The following FBXL7 variants were observed in gnomAD, a reference collection of about 807,000 sequenced individuals.
The protein encoded by FBXL7 is F-box/LRR-repeat protein 7.
A neutral mutation model predicts 38.3 loss-of-function variants in FBXL7; 12 were observed. The observed-to-expected ratio is 0.31, with a 90% CI of 0.20 to 0.51. FBXL7 has a LOEUF of 0.51. Among genes scored for constraint, FBXL7 ranks in the 20% least tolerant of loss-of-function variants. The pLI, the probability that FBXL7 is intolerant of heterozygous loss-of-function variation, is 0.98. For synonymous variants in FBXL7, 297 were observed against 300.9 expected, an observed-to-expected ratio of 0.99 and a Z score of 0.13; for missense variants, 567 against 676.4, an observed-to-expected ratio of 0.84 and a Z score of 1.79.
chr5:15,853,342 T>C (rs1209541699), intron 2 of FBXL7, among the ~76,000 whole-genome samples: 2 of 151,722 alleles, frequency 1.3e-5, no homozygotes, highest in African/African-American at 4.8e-5. Context: ...TTCAAGGAGG[T>C]GACATCTTGA....
intron 2 of FBXL7, among the ~76,000 whole-genome samples, chr5:15,774,531 T>C (rs1736811934): frequency 6.6e-6 from 1 of 152,202 alleles, no homozygotes; most frequent in African/African-American, 2.4e-5. Context: ...GTTCCCATCT[T>C]TGAGAATCCC....
chr5:15,702,653 T>C (rs1232576800), intron 2 of FBXL7, among the ~76,000 whole-genome samples: 1 of 152,238 alleles, frequency 6.6e-6, no homozygotes. Flanking sequence ...TTGCACTTTA[T>C]GGCTAACACA....
At chr5:15,879,279 A>G (rs2126322854) in intron 2 of FBXL7, among the ~76,000 whole-genome samples, 1 of 152,342 alleles carries the variant, frequency 6.6e-6, no homozygotes, top group South Asian at 2.1e-4. Flanking sequence ...TGTGAAGGGA[A>G]AAGAAATCTT....
In FBXL7 at chr5:15,500,527, G is replaced by A. The variant is rs1040303459; in HGVS notation, c.-150G>A. ...AGCACCCCCTCCCACTGGAGTGCGG[G>A]GACCTCTCCAGGCCGGAGGTCGGCC... is the stretch of plus-strand genomic sequence containing the variant. On this transcript the variant is annotated 5_prime_UTR_variant, in exon 1 of 4. Transcript: ENST00000504595. The A allele has an allele frequency of 1.9e-6, 2 of 1,039,114 alleles. No homozygotes were observed. The highest frequency in any genetic ancestry group is 3.0e-6 in the Non-Finnish European group (2 of 660,994). 64.4% of individuals were successfully genotyped at this position (1,039,114 alleles called of 1,614,324 possible). A position where few individuals can be genotyped will look rare whatever the true frequency, so the allele number is the denominator to read the frequency against.
At chr5:15,636,208 C>A (rs1180796909) in intron 2 of FBXL7, among the ~76,000 whole-genome samples, 1 of 151,614 alleles carries the variant, frequency 6.6e-6, no homozygotes, top group Non-Finnish European at 1.5e-5. Flanking sequence ...AAATTCTCTT[C>A]TAGAACACAA....
rs537609846 is a variant in FBXL7 at position 15,529,847 on chromosome 5, C to T, written c.37+29134C>T. 6.6e-5 allele frequency among the ~76,000 whole-genome samples: 10 copies of T among 152,278 alleles called. No homozygotes were observed. The South Asian group carries it at 2.1e-3, about 32-fold the overall frequency. On this transcript the variant is annotated intron_variant, in intron 1 of 3. Transcript: ENST00000504595. The stretch of plus-strand genomic sequence containing the variant: ...CCACAGATGGTGTTGTATATACTCT[C>T]GTTGCCTACAACATCCATATCCCCT...
chr5:15,891,433 T>G (rs1740897121), intron 2 of FBXL7, among the ~76,000 whole-genome samples: 1 of 152,236 alleles, frequency 6.6e-6, no homozygotes, highest in Admixed American at 6.5e-5. Flanking sequence ...TTCTACATTT[T>G]AGAATCCATC....
intron 2 of FBXL7, among the ~76,000 whole-genome samples, chr5:15,762,190 C>T (rs1263215965): frequency 6.6e-6 from 1 of 152,192 alleles, no homozygotes. Context: ...AGCTGAAGTT[C>T]TTCTCTGTTG....
chr5:15,652,617 G>A (rs2126572251), intron 2 of FBXL7, among the ~76,000 whole-genome samples: 1 of 152,234 alleles, frequency 6.6e-6, no homozygotes. Context: ...CCTAGCTTTT[G>A]GCCTGTCTCA....
intron 2 of FBXL7, among the ~76,000 whole-genome samples, chr5:15,886,999 G>A (rs1430664963): frequency 1.3e-5 from 2 of 152,148 alleles, no homozygotes; most frequent in Non-Finnish European, 2.9e-5. Context: ...GCTGGAAAGA[G>A]GAAAGAGAAA....
intron 2 of FBXL7, among the ~76,000 whole-genome samples, chr5:15,773,195 G>A (rs986534646): frequency 1.3e-5 from 2 of 152,134 alleles, no homozygotes; most frequent in Non-Finnish European, 2.9e-5. Flanking sequence ...AAACAAGCCT[G>A]GCTGTGACCC....
At chr5:15,567,586 T>TA (rs1228786755) in intron 1 of FBXL7, among the ~76,000 whole-genome samples, 26 of 151,396 alleles carry the variant, frequency 1.7e-4, no homozygotes, top group African/African-American at 5.8e-4. Context: ...CTTTCTTCTT[T>TA]TTTTTATATA....
At chr5:15,802,728 A>C (rs1737603904) in intron 2 of FBXL7, among the ~76,000 whole-genome samples, 1 of 151,086 alleles carries the variant, frequency 6.6e-6, no homozygotes, top group Non-Finnish European at 1.5e-5. Flanking sequence ...ATCTTGGCTC[A>C]CTGCAACCTC....
intron 1 of FBXL7, among the ~76,000 whole-genome samples, chr5:15,595,064 C>G (rs905173427): frequency 2.0e-5 from 3 of 152,204 alleles, no homozygotes; most frequent in Non-Finnish European, 1.5e-5. Flanking sequence ...ATGGGCTCCA[C>G]GTGTAGTCTT....
At chr5:15,847,626 T>C (rs1463344884) in intron 2 of FBXL7, among the ~76,000 whole-genome samples, 7 of 152,148 alleles carry the variant, frequency 4.6e-5, no homozygotes, top group Non-Finnish European at 1.0e-4. Flanking sequence ...TAGGTTTCAT[T>C]ATATGGAAAA....
intron 1 of FBXL7, among the ~76,000 whole-genome samples, chr5:15,511,573 A>G (rs1188016489): frequency 1.3e-5 from 2 of 152,244 alleles, no homozygotes; most frequent in Non-Finnish European, 2.9e-5. Context: ...CTCAACATAT[A>G]TTGGAGAATT....
chr5:15,717,794 A>G (rs1168058578), intron 2 of FBXL7, among the ~76,000 whole-genome samples: 1 of 152,218 alleles, frequency 6.6e-6, no homozygotes, highest in Non-Finnish European at 1.5e-5. Flanking sequence ...CTCTTAAAAA[A>G]TGCCAATGTC....
At chr5:15,692,825 C>T (rs982647160) in intron 2 of FBXL7, among the ~76,000 whole-genome samples, 12 of 152,240 alleles carry the variant, frequency 7.9e-5, no homozygotes, top group African/African-American at 2.9e-4. Flanking sequence ...AGGCTGAAAA[C>T]AGATGTAAGA....
intron 2 of FBXL7, among the ~76,000 whole-genome samples, chr5:15,811,718 C>T (rs982140294): frequency 6.6e-6 from 1 of 151,740 alleles, no homozygotes; most frequent in Non-Finnish European, 1.5e-5. Flanking sequence ...ATTTATATGG[C>T]CAAAAAACTT....
Sources: allele counts gnomAD v4.1 joint callset (sites outside exome capture counted in the v4.1 genomes callset), GRCh38; gene constraint gnomAD v4.1.1; transcripts MANE v1.5; gene names NCBI Gene and HGNC (gene_info 2026-07-23, HGNC 2026-07-21).